Variants in CDH18 observed in about 807,000 individuals in gnomAD.
CDH18 encodes the protein cadherin-18.
Under a neutral mutation model 67.9 loss-of-function variants are expected in CDH18, and 31 were observed. That is an observed-to-expected ratio of 0.46 (90% CI 0.34 to 0.62). The LOEUF (loss-of-function observed/expected upper bound fraction) is 0.62, where lower values mean the gene tolerates loss of function less well. CDH18 is among the 20% of genes least tolerant of loss of function. The pLI, the probability that CDH18 is intolerant of heterozygous loss-of-function variation, is 0.01. For synonymous variants in CDH18, 362 were observed against 347.2 expected (o/e 1.04, Z -0.48); for missense variants, 890 against 975.5 (o/e 0.91, Z 1.17).
chr5:19,825,646 G>T (rs1780331765), intron 3 of CDH18, among the ~76,000 whole-genome samples: 1 of 151,854 alleles, frequency 6.6e-6, no homozygotes, highest in South Asian at 2.1e-4. Context: ...GGGCAAACTA[G>T]ATTCAAAGCT....
At chr5:19,763,464 T>G (rs763054816) in intron 3 of CDH18, among the ~76,000 whole-genome samples, 1 of 152,140 alleles carries the variant, frequency 6.6e-6, no homozygotes, top group Non-Finnish European at 1.5e-5. Flanking sequence ...TAATTGAAGT[T>G]GCAATCAACT....
chr5:20,529,995 A>T, intron 1 of CDH18, among the ~76,000 whole-genome samples: 1 of 151,858 alleles, frequency 6.6e-6, no homozygotes, highest in African/African-American at 2.4e-5. Flanking sequence ...AAATCCATTG[A>T]CTCAGGCCAA....
chr5:20,343,481 T>C (rs1740438699), intron 1 of CDH18, among the ~76,000 whole-genome samples: 2 of 152,226 alleles, frequency 1.3e-5, no homozygotes. Flanking sequence ...TTCATGCAGA[T>C]AGTGGTGCAA....
intron 1 of CDH18, among the ~76,000 whole-genome samples, chr5:20,418,902 T>C (rs1324476535): frequency 5.3e-5 from 8 of 152,084 alleles, no homozygotes; most frequent in Admixed American, 3.9e-4. Flanking sequence ...ATGGGATTAA[T>C]GCTTTTATAC....
intron 7 of CDH18, among the ~76,000 whole-genome samples, chr5:19,585,790 A>AT (rs1744046436): frequency 6.6e-6 from 1 of 151,982 alleles, no homozygotes; most frequent in Non-Finnish European, 1.5e-5. Flanking sequence ...GTGTTTTTCT[A>AT]TTTTTTTCCT....
chr5:19,855,056 G>A (rs373473296), intron 2 of CDH18, among the ~76,000 whole-genome samples: 1 of 151,936 alleles, frequency 6.6e-6, no homozygotes, highest in South Asian at 2.1e-4. Context: ...CACTCATGCT[G>A]TTGCAAATGA....
chr5:20,374,731 T>C (rs1743274859), intron 1 of CDH18, among the ~76,000 whole-genome samples: 1 of 152,256 alleles, frequency 6.6e-6, no homozygotes, highest in Non-Finnish European at 1.5e-5. Flanking sequence ...TGAATGTTCT[T>C]TCACAAATAA....
At chr5:20,541,936 A>G (rs762860508) in intron 1 of CDH18, among the ~76,000 whole-genome samples, 13 of 152,028 alleles carry the variant, frequency 8.6e-5, no homozygotes, top group Non-Finnish European at 1.8e-4. Context: ...CTCAAAGTTC[A>G]GGTTTTTGTT....
At chr5:19,859,292 TGACAAAACA>T (rs1784623772) in intron 2 of CDH18, among the ~76,000 whole-genome samples, 1 of 152,068 alleles carries the variant, frequency 6.6e-6, no homozygotes, top group South Asian at 2.1e-4. Context: ...ATCTTAAGAC[TGACAAAACA>T]GACTTTTGGT....
At chr5:20,295,692 A>G (rs1444941767) in intron 1 of CDH18, among the ~76,000 whole-genome samples, 1 of 151,346 alleles carries the variant, frequency 6.6e-6, no homozygotes, top group African/African-American at 2.4e-5. Flanking sequence ...GTGCCACTGC[A>G]CTCTAGCCTC....
chr5:20,423,881 A>T (rs940807161), intron 1 of CDH18, among the ~76,000 whole-genome samples: 3 of 135,090 alleles, frequency 2.2e-5, no homozygotes, highest in Non-Finnish European at 4.6e-5. Context: ...CGGGAGGTGG[A>T]GCTTGCAGTG....
intron 4 of CDH18, among the ~76,000 whole-genome samples, chr5:19,745,363 T>A (rs1053047611): frequency 6.6e-6 from 1 of 152,198 alleles, no homozygotes; most frequent in Non-Finnish European, 1.5e-5. Context: ...TCCTGGGTAA[T>A]GCCTGCTCTG....
intron 2 of CDH18, among the ~76,000 whole-genome samples, chr5:20,097,165 G>A (rs770212917): frequency 3.9e-5 from 6 of 151,956 alleles, no homozygotes; most frequent in Non-Finnish European, 7.4e-5. Context: ...ATTTTTATGT[G>A]TAAGCCTTCA....
intron 2 of CDH18, among the ~76,000 whole-genome samples, chr5:19,840,999 T>A (rs542535060): frequency 6.6e-6 from 1 of 152,312 alleles, no homozygotes; most frequent in South Asian, 2.1e-4. Context: ...AATAATTGGT[T>A]ACAGCATGAT....
intron 2 of CDH18, among the ~76,000 whole-genome samples, chr5:20,048,645 T>A (rs1741121421): frequency 6.6e-6 from 1 of 151,644 alleles, no homozygotes; most frequent in African/African-American, 2.4e-5. Context: ...CTTCTCTTTC[T>A]ACAGAATCCC....
chr5:20,172,230 A>ATATACGTATATATATATATACG (rs1554098796), intron 2 of CDH18, among the ~76,000 whole-genome samples: 8 of 96,688 alleles, frequency 8.3e-5, no homozygotes, highest in South Asian at 7.0e-4. Flanking sequence ...ATATGTATAT[A>ATATACGTATATATATATATACG]TATATATATG....
intron 2 of CDH18, among the ~76,000 whole-genome samples, chr5:20,117,316 A>C (rs1748006113): frequency 6.6e-6 from 1 of 152,134 alleles, no homozygotes; most frequent in African/African-American, 2.4e-5. Flanking sequence ...TTGTATTGAT[A>C]AACAAAGTAT....
At chr5:20,290,635 T>C (rs1460055912) in intron 1 of CDH18, among the ~76,000 whole-genome samples, 1 of 152,170 alleles carries the variant, frequency 6.6e-6, no homozygotes, top group Non-Finnish European at 1.5e-5. Context: ...ACAAGCATTC[T>C]GGTTGTACGA....
At chr5:19,508,183 T>A (rs951884974) in intron 10 of CDH18, among the ~76,000 whole-genome samples, 20 of 152,170 alleles carry the variant, frequency 1.3e-4, no homozygotes, top group African/African-American at 4.6e-4. Context: ...ACCTTGTCTC[T>A]TTCATCATGT....
Sources: allele counts gnomAD v4.1 joint callset (sites outside exome capture counted in the v4.1 genomes callset), GRCh38; gene constraint gnomAD v4.1.1; transcripts MANE v1.5; gene names NCBI Gene and HGNC (gene_info 2026-07-23, HGNC 2026-07-21).